Variants in PPARGC1A observed in about 807,000 individuals in gnomAD.
The protein encoded by PPARGC1A is PPARG coactivator 1 alpha.
PPARGC1A carries 25 observed loss-of-function variants against 88.7 expected under a neutral mutation model. That is an observed-to-expected ratio of 0.28 (90% CI 0.21 to 0.39). PPARGC1A has a LOEUF of 0.39. PPARGC1A is among the 10% of genes least tolerant of loss of function. The pLI, the probability that PPARGC1A is intolerant of heterozygous loss-of-function variation, is 1.00. For synonymous variants in PPARGC1A, 363 were observed against 355.6 expected, an observed-to-expected ratio of 1.02 and a Z score of -0.24; for missense variants, 880 against 968.7, an observed-to-expected ratio of 0.91 and a Z score of 1.22.
chr4:24,218,019 G>A, the PPARGC1A span, among the ~76,000 whole-genome samples: 3 of 152,070 alleles, frequency 2.0e-5, no homozygotes, highest in African/African-American at 4.8e-5. Flanking sequence ...AAAAAGGAAG[G>A]TACTTGTAAT....
chr4:24,005,421 CTGGATAACCTT>C, the PPARGC1A span, among the ~76,000 whole-genome samples: 1 of 152,154 alleles, frequency 6.6e-6, no homozygotes, highest in Non-Finnish European at 1.5e-5. Context: ...CCCCTACCAG[CTGGATAACCTT>C]TAGTAAATTA....
chr4:24,158,705 T>C, the PPARGC1A span, among the ~76,000 whole-genome samples: 6 of 152,204 alleles, frequency 3.9e-5, no homozygotes, highest in East Asian at 1.9e-4. Flanking sequence ...CTTGAATTGC[T>C]GTAAGGAAAA....
At chr4:23,974,636 G>A in the PPARGC1A span, among the ~76,000 whole-genome samples, 70 of 150,040 alleles carry the variant, frequency 4.7e-4, no homozygotes, top group Middle Eastern at 3.5e-3. Context: ...TTTTGTTGTC[G>A]TTGGTTTTTT....
chr4:24,392,962 G>A, the PPARGC1A span, among the ~76,000 whole-genome samples: 1 of 151,808 alleles, frequency 6.6e-6, no homozygotes, highest in South Asian at 2.1e-4. Context: ...AATGAAGAGC[G>A]AAGTCAACCA....
At chr4:24,206,516 C>T in the PPARGC1A span, among the ~76,000 whole-genome samples, 6 of 152,084 alleles carry the variant, frequency 3.9e-5, no homozygotes, top group Non-Finnish European at 7.4e-5. Flanking sequence ...TAAAAAAAGC[C>T]AAAGACCATA....
chr4:24,034,317 A>G, the PPARGC1A span, among the ~76,000 whole-genome samples: 9 of 152,258 alleles, frequency 5.9e-5, no homozygotes, highest in Non-Finnish European at 4.4e-5. Flanking sequence ...ATGAAACTCA[A>G]AAGACATATC....
chr4:24,264,733 T>C, the PPARGC1A span, among the ~76,000 whole-genome samples: 88 of 152,338 alleles, frequency 5.8e-4, no homozygotes, highest in African/African-American at 2.0e-3. Context: ...TATCCAGGAA[T>C]AAAAAGCGCA....
At chr4:24,256,580 C>T in the PPARGC1A span, among the ~76,000 whole-genome samples, 1 of 152,152 alleles carries the variant, frequency 6.6e-6, no homozygotes, top group African/African-American at 2.4e-5. Context: ...ATTTTTTTCA[C>T]TCTGACAGTT....
chr4:24,109,251 C>G, the PPARGC1A span, among the ~76,000 whole-genome samples: 6 of 147,380 alleles, frequency 4.1e-5, no homozygotes, highest in South Asian at 4.4e-4. Flanking sequence ...ACTCCTTATA[C>G]CCCCTCTACT....
chr4:24,385,436 A>C, the PPARGC1A span, among the ~76,000 whole-genome samples: 1 of 152,194 alleles, frequency 6.6e-6, no homozygotes, highest in Admixed American at 6.5e-5. Context: ...CCCCTTCAAA[A>C]ACTCAATGAA....
chr4:23,954,376 AG>A, the PPARGC1A span, among the ~76,000 whole-genome samples: 2 of 152,036 alleles, frequency 1.3e-5, no homozygotes, highest in Non-Finnish European at 2.9e-5. Flanking sequence ...GTCATTTTAG[AG>A]GCTCTCTGGA....
At chr4:23,910,175 A>C in the PPARGC1A span, among the ~76,000 whole-genome samples, 1 of 118,422 alleles carries the variant, frequency 8.4e-6, no homozygotes, top group South Asian at 2.4e-4. Context: ...TATAATATAT[A>C]ATAAATATAT....
the PPARGC1A span, among the ~76,000 whole-genome samples, chr4:24,100,048 C>T: frequency 5.3e-5 from 8 of 151,688 alleles, no homozygotes; most frequent in Non-Finnish European, 1.2e-4. Context: ...GTGCAGCACA[C>T]CAACATGGCA....
chr4:24,347,838 TTTG>T, the PPARGC1A span, among the ~76,000 whole-genome samples: 1 of 152,024 alleles, frequency 6.6e-6, no homozygotes, highest in Non-Finnish European at 1.5e-5. Flanking sequence ...TGTTATTTTG[TTTG>T]TTTGTTTTTG....
the PPARGC1A span, among the ~76,000 whole-genome samples, chr4:24,157,429 C>T: frequency 3.1e-3 from 474 of 152,250 alleles, 4 homozygotes; most frequent in African/African-American, 0.011. Context: ...TTCTCAACTC[C>T]GTCTTTATTC....
At chr4:24,063,093 TG>T in the PPARGC1A span, among the ~76,000 whole-genome samples, 13 of 152,178 alleles carry the variant, frequency 8.5e-5, no homozygotes, top group African/African-American at 2.7e-4. Context: ...GTTGTCTTTC[TG>T]TGGCAAGTCC....
chr4:23,825,564 G>C (rs190165940), intron 5 of PPARGC1A, among the ~76,000 whole-genome samples: 1 of 152,182 alleles, frequency 6.6e-6, no homozygotes, highest in East Asian at 1.9e-4. Context: ...AGTTGGCCAA[G>C]ATTCTGTTTC....
At chr4:24,081,249 A>G in the PPARGC1A span, among the ~76,000 whole-genome samples, 1 of 152,138 alleles carries the variant, frequency 6.6e-6, no homozygotes, top group African/African-American at 2.4e-5. Context: ...CTCAAAAAGC[A>G]TTTTGGTCTC....
At chr4:23,995,117 C>A in the PPARGC1A span, among the ~76,000 whole-genome samples, 1 of 152,096 alleles carries the variant, frequency 6.6e-6, no homozygotes, top group Non-Finnish European at 1.5e-5. Context: ...CTGACTGTAT[C>A]AAAACTCATG....
Sources: gnomAD v4.1 joint callset for allele counts (sites outside exome capture counted in the v4.1 genomes callset) on GRCh38, gnomAD v4.1.1 for gene constraint, MANE v1.5 for transcripts, NCBI Gene and HGNC (gene_info 2026-07-23, HGNC 2026-07-21) for gene names.